BICRAL: variants seen among roughly 807,000 people sequenced by gnomAD.
BICRAL encodes BRD4-interacting chromatin-remodeling complex-associated protein-like.
A neutral mutation model predicts 91.8 loss-of-function variants in BICRAL; 8 were observed. That is an observed-to-expected ratio of 0.09 (90% CI 0.05 to 0.16). The LOEUF is 0.16. BICRAL is among the 10% of genes least tolerant of loss of function. The pLI is 1.00. For synonymous variants in BICRAL, 445 were observed against 491.1 expected, an observed-to-expected ratio of 0.91 and a Z score of 1.24; for missense variants, 1,038 against 1,310.9, an observed-to-expected ratio of 0.79 and a Z score of 3.21.
upstream of BICRAL, among the ~76,000 whole-genome samples, chr6:42,777,532 A>G (rs976978689): frequency 2.6e-5 from 4 of 152,226 alleles, no homozygotes; most frequent in African/African-American, 7.2e-5. Context: ...CAAACACTCT[A>G]TAGAACACTT....
chr6:42,834,138 A>G (rs1051399327), intron 6 of BICRAL, among the ~76,000 whole-genome samples: 2 of 152,230 alleles, frequency 1.3e-5, no homozygotes, highest in Non-Finnish European at 1.5e-5. Flanking sequence ...GGCATGAGCC[A>G]TGGCGCCCAG....
chr6:42,857,614 A>AAAAAAAAATATATATATATAT, intron 10 of BICRAL, among the ~76,000 whole-genome samples: 15 of 96,216 alleles, frequency 1.6e-4, no homozygotes, highest in African/African-American at 9.8e-4. Flanking sequence ...AAAAAAAAAA[A>AAAAAAAAATATATATATATAT]ATATATATAT....
chr6:42,766,607 AGC>A (rs1025907695), intron 1 of BICRAL, among the ~76,000 whole-genome samples: 1 of 151,996 alleles, frequency 6.6e-6, no homozygotes, highest in Non-Finnish European at 1.5e-5. Flanking sequence ...TGGGAGGCCG[AGC>A]GGGTGGATCA....
intron 10 of BICRAL, among the ~76,000 whole-genome samples, chr6:42,857,614 A>AAAAAAAAATATATAT: frequency 5.2e-5 from 5 of 96,234 alleles, no homozygotes; most frequent in Non-Finnish European, 9.3e-5. Context: ...AAAAAAAAAA[A>AAAAAAAAATATATAT]ATATATATAT....
At chr6:42,814,018 A>G (rs1015128840) in intron 2 of BICRAL, among the ~76,000 whole-genome samples, 5 of 152,124 alleles carry the variant, frequency 3.3e-5, no homozygotes, top group Non-Finnish European at 4.4e-5. Context: ...TTTACCTTCA[A>G]TAGGTCCGGG....
intron 6 of BICRAL, among the ~76,000 whole-genome samples, chr6:42,841,075 TAAAA>T (rs758007416): frequency 2.3e-5 from 2 of 85,306 alleles, no homozygotes; most frequent in East Asian, 7.5e-4. Flanking sequence ...ACTCAATCTT[TAAAA>T]AAAAAAAAAA....
chr6:42,817,242 C>T (rs1764020448), intron 2 of BICRAL, among the ~76,000 whole-genome samples: 1 of 151,128 alleles, frequency 6.6e-6, no homozygotes, highest in Non-Finnish European at 1.5e-5. Context: ...TATTCTGCAC[C>T]TTTCTTTTTT....
chr6:42,787,871 G>A (rs1763144373), intron 1 of BICRAL, among the ~76,000 whole-genome samples: 1 of 151,382 alleles, frequency 6.6e-6, no homozygotes, highest in Admixed American at 6.6e-5. Flanking sequence ...AGGGAGATGG[G>A]GTCAAAGAAG....
chr6:42,782,356 G>GGTT (rs1467948012), intron 1 of BICRAL, among the ~76,000 whole-genome samples: 3 of 64,450 alleles, frequency 4.7e-5, no homozygotes, highest in Non-Finnish European at 9.3e-5. Flanking sequence ...GGGGGGGTGG[G>GGTT]TTTGTGGGTG....
intron 1 of BICRAL, among the ~76,000 whole-genome samples, chr6:42,771,509 G>T (rs980593602): frequency 6.4e-5 from 9 of 140,814 alleles, no homozygotes; most frequent in Non-Finnish European, 1.2e-4. Flanking sequence ...TGGTGGGGGG[G>T]TCCTGTCTGA....
intron 1 of BICRAL, among the ~76,000 whole-genome samples, chr6:42,751,788 G>A (rs1023838571): frequency 6.6e-6 from 1 of 151,900 alleles, no homozygotes; most frequent in South Asian, 2.1e-4. Context: ...CTCCCAAGAG[G>A]CTGGGATTAT....
intron 1 of BICRAL, among the ~76,000 whole-genome samples, chr6:42,765,054 A>G (rs771807030): frequency 6.6e-5 from 10 of 152,212 alleles, no homozygotes; most frequent in Non-Finnish European, 1.2e-4. Flanking sequence ...TTGGATAAAG[A>G]GCTGTCTTTG....
chr6:42,818,122 G>A (rs1040403839), intron 2 of BICRAL, among the ~76,000 whole-genome samples: 1 of 152,112 alleles, frequency 6.6e-6, no homozygotes, highest in Non-Finnish European at 1.5e-5. Flanking sequence ...TATCCTGTCA[G>A]TGTATAAAAG....
chr6:42,777,067 C>G (rs1762817003), upstream of BICRAL, among the ~76,000 whole-genome samples: 1 of 152,194 alleles, frequency 6.6e-6, no homozygotes, highest in South Asian at 2.1e-4. Flanking sequence ...GGTCTGGCAT[C>G]CTTGAGGAGC....
At chr6:42,815,272 C>T (rs1047150483) in intron 2 of BICRAL, among the ~76,000 whole-genome samples, 2 of 150,726 alleles carry the variant, frequency 1.3e-5, no homozygotes, top group African/African-American at 4.9e-5. Flanking sequence ...TCACTGCAAC[C>T]CCCATCTCCT....
intron 1 of BICRAL, among the ~76,000 whole-genome samples, chr6:42,792,686 G>A (rs1763306747): frequency 1.3e-5 from 2 of 152,116 alleles, no homozygotes; most frequent in South Asian, 4.1e-4. Flanking sequence ...GCCGAAGTAG[G>A]TGAATCACTT....
At chr6:42,781,714 T>C (rs1762914467), upstream of BICRAL, 1 of 145,718 alleles carries the variant, frequency 6.9e-6, no homozygotes, top group South Asian at 2.1e-4. Context: ...AATAAACCAA[T>C]ACATTTCTGA....
chr6:42,792,922 A>G (rs1411313170), intron 1 of BICRAL, among the ~76,000 whole-genome samples: 2 of 151,390 alleles, frequency 1.3e-5, no homozygotes, highest in African/African-American at 4.9e-5. Context: ...ACAAAGAAAA[A>G]GAAAAAAAGG....
At chr6:42,842,093 G>A (rs1452899621) in intron 6 of BICRAL, among the ~76,000 whole-genome samples, 2 of 152,154 alleles carry the variant, frequency 1.3e-5, no homozygotes, top group African/African-American at 4.8e-5. Context: ...CTAAAATGAG[G>A]AACTCTAGCT....
Sources: allele counts gnomAD v4.1 joint callset (sites outside exome capture counted in the v4.1 genomes callset), GRCh38; gene constraint gnomAD v4.1.1; transcripts MANE v1.5; gene names NCBI Gene and HGNC (gene_info 2026-07-23, HGNC 2026-07-21).